Variants in PRPF39 observed in about 807,000 individuals in gnomAD.
PRPF39 encodes pre-mRNA-processing factor 39.
PRPF39 carries 27 observed loss-of-function variants against 82.1 expected under a neutral mutation model. That is an observed-to-expected ratio of 0.33 (90% CI 0.24 to 0.45). The LOEUF (loss-of-function observed/expected upper bound fraction) is 0.45, where lower values mean the gene tolerates loss of function less well. Ranked by LOEUF, PRPF39 falls within the 20% of genes least tolerant of loss-of-function variation. The pLI, the probability that PRPF39 is intolerant of heterozygous loss-of-function variation, is 1.00. For synonymous variants in PRPF39, 261 were observed against 256.4 expected, an observed-to-expected ratio of 1.02 and a Z score of -0.17; for missense variants, 581 against 796.9, an observed-to-expected ratio of 0.73 and a Z score of 3.26.
chr14:45,088,068 G>T (rs1883900842), intron 1 of PRPF39, among the ~76,000 whole-genome samples: 1 of 152,118 alleles, frequency 6.6e-6, no homozygotes, highest in Non-Finnish European at 1.5e-5. Flanking sequence ...GGTAGATATG[G>T]TCCTTACTCT....
intron 7 of PRPF39, among the ~76,000 whole-genome samples, 151 bp downstream of exon 7, chr14:45,108,673 T>C (rs556517069): frequency 5.1e-4 from 78 of 152,354 alleles, no homozygotes; most frequent in Admixed American, 2.2e-3. Context: ...TTGTAATCAT[T>C]ATCAGTTTTT....
chr14:45,092,186 A>T (rs1011760716), intron 1 of PRPF39, among the ~76,000 whole-genome samples: 1 of 152,196 alleles, frequency 6.6e-6, no homozygotes, highest in African/African-American at 2.4e-5. Context: ...GAGATTAACT[A>T]TATTGCTGCT....
Position 45,115,291 on chromosome 14 carries a change from CTT to C in PRPF39, c.*395_*396del, listed in dbSNP as rs369629100. On this transcript the variant is annotated 3_prime_UTR_variant, in exon 14 of 14. Coordinates refer to ENST00000355765, the MANE Select transcript of PRPF39 (RefSeq NM_017922.4). ...CACATAAGGGCTGGTTATTTACCTC[CTT>C]TTTTTTTTTTTTTTTTAAAGAAAAA... The C allele has an allele frequency of 0.011, 1,513 of 132,534 alleles. 29 individuals are homozygous for C. The highest frequency in any genetic ancestry group is 0.037 in the African/African-American group (1,371 of 36,608). 8.2% of individuals were successfully genotyped at this position (132,534 alleles called of 1,614,324 possible).
intron 4 of PRPF39, among the ~76,000 whole-genome samples, chr14:45,098,230 T>C (rs1884259808): frequency 6.6e-6 from 1 of 152,098 alleles, no homozygotes; most frequent in South Asian, 2.1e-4. Flanking sequence ...CAGTGAGCTG[T>C]GATTGCACCA....
intron 1 of PRPF39, among the ~76,000 whole-genome samples, chr14:45,089,134 TTGCCTG>T (rs1225194862): frequency 6.6e-6 from 1 of 152,242 alleles, no homozygotes; most frequent in Admixed American, 6.5e-5. Flanking sequence ...TTGCTTTTGT[TTGCCTG>T]TGCTTTTGGC....
rs966349112 is a variant in PRPF39 at position 45,109,554 on chromosome 14, T to C, written c.1012-62T>C. 5.0e-6 allele frequency: 7 copies of C among 1,389,710 alleles called. No individual in the cohort carries two copies. In the East Asian group the frequency reaches 1.5e-4, roughly 29 times the overall value. 86.1% of individuals were successfully genotyped at this position (1,389,710 alleles called of 1,614,324 possible). Reference sequence around the variant, plus strand: ...TTTAAAATTATTTGTATTAACACTGTACATGTGCATATTTTGGTGATATTG... The same window carrying C: ...TTTAAAATTATTTGTATTAACACTGCACATGTGCATATTTTGGTGATATTG... On this transcript the variant is annotated intron_variant, in intron 7 of 13. Coordinates refer to ENST00000355765, the MANE Select transcript of PRPF39 (RefSeq NM_017922.4).
chr14:45,111,105 G>C, intron 10 of PRPF39: 1 of 342,204 alleles, frequency 2.9e-6, no homozygotes, highest in Non-Finnish European at 5.4e-6. Flanking sequence ...TTACTAAGTA[G>C]AACAGAGGAC....
At chr14:45,095,600 TTAATC>T in intron 2 of PRPF39, 37 bp downstream of exon 2, 1 of 1,503,770 alleles carries the variant, frequency 6.6e-7, no homozygotes. Flanking sequence ...AAGGGACAAA[TTAATC>T]AAGTCATTAA....
chr14:45,114,489 T>C lies in PRPF39; in HGVS notation c.1833-5T>C, dbSNP rs1170892541. 6.4e-7 allele frequency: 1 copy of C among 1,568,208 alleles called. No individual in the cohort carries two copies. Among genetic ancestry groups the C allele is most frequent in the Non-Finnish European group, 8.6e-7 (1 of 1,165,174 alleles). On this transcript the variant is annotated splice_polypyrimidine_tract_variant and splice_region_variant and intron_variant, in intron 12 of 13. Transcript: ENST00000355765. The stretch of plus-strand genomic sequence containing the variant: ...TGAAAGTTTCCATTCTGACGTTTTA[T>C]ATAGATCAGAAGAACCAGAGGAAAA...
rs750583416 is a variant in PRPF39 at position 45,110,063 on chromosome 14, T to C, written c.1177-31T>C. On this transcript the variant is annotated intron_variant, in intron 8 of 13. Transcript: ENST00000355765. This position sits in a 1 kb window ranked among gnomAD's most constrained non-coding sequence, Gnocchi z 4.0. ...ATTTAATGGCTTGTTCAACTGTAAA[T>C]TATTCAGTATTTCCTCTTTTCTGTA... 1.9e-6 allele frequency: 3 copies of C among 1,608,344 alleles called. No homozygotes were observed. In the African/African-American group the frequency reaches 4.0e-5, roughly 22 times the overall value.
chr14:45,084,660 G>T (rs1006027576), intron 1 of PRPF39, among the ~76,000 whole-genome samples: 1 of 152,082 alleles, frequency 6.6e-6, no homozygotes, highest in African/African-American at 2.4e-5. Context: ...TATTACTAAG[G>T]CATGTGAGCG....
At position 45,110,912 on chromosome 14, in the gene PRPF39, A is replaced by G; in HGVS notation, c.1572+95A>G. ...AACTGTGATGAAAGATTTGGTCTGT[A>G]TGTAATAGATTTTATTACTAAATGA... On this transcript the variant is annotated intron_variant, in intron 10 of 13. Coordinates refer to ENST00000355765, the MANE Select transcript of PRPF39 (RefSeq NM_017922.4). This position sits in a 1 kb window ranked among gnomAD's most constrained non-coding sequence, Gnocchi z 4.0. 1 of 1,196,540 alleles carries G rather than the reference A, an allele frequency of 8.4e-7. No individual in the cohort carries two copies. Among genetic ancestry groups the G allele is most frequent in the Non-Finnish European group, 1.1e-6 (1 of 872,020 alleles). 74.1% of individuals were successfully genotyped at this position (1,196,540 alleles called of 1,614,324 possible). A position where few individuals can be genotyped will look rare whatever the true frequency, so the allele number is the denominator to read the frequency against.
At chr14:45,102,411 G>C in intron 4 of PRPF39, 118 bp from the exon 5 acceptor site, 2 of 798,732 alleles carry the variant, frequency 2.5e-6, no homozygotes, top group Non-Finnish European at 3.7e-6. Flanking sequence ...ATCCCTACTT[G>C]CATAGGAAGC....
At chr14:45,102,120 C>T (rs1380973538) in intron 4 of PRPF39, among the ~76,000 whole-genome samples, 1 of 152,228 alleles carries the variant, frequency 6.6e-6, no homozygotes, top group East Asian at 1.9e-4. Flanking sequence ...ACCATTTCAC[C>T]ATGCCTCATG....
chr14:45,095,859 A>T (rs1352189026), intron 2 of PRPF39: 4 of 448,226 alleles, frequency 8.9e-6, no homozygotes, highest in African/African-American at 8.3e-5. Flanking sequence ...AATTGCGTTT[A>T]GAAGAAAAAG....
rs952308745 is a variant in PRPF39 at position 45,116,111 on chromosome 14, T to C, written c.*1198T>C. 13 of 916,648 alleles carry C rather than the reference T, an allele frequency of 1.4e-5. No homozygotes were observed. The highest frequency in any genetic ancestry group is 1.3e-4 in the African/African-American group (8 of 60,932). The allele number at this position is 916,648 out of a possible 1,614,324, so 56.8% of individuals were successfully genotyped here. A position where few individuals can be genotyped will look rare whatever the true frequency, so the allele number is the denominator to read the frequency against. ...CCAGTTGACTCTTCCTTTACAATAG[T>C]AACAAGTTCTAACTAGTTGTGTAAA... is the stretch of plus-strand genomic sequence containing the variant. On this transcript the variant is annotated 3_prime_UTR_variant, in exon 14 of 14. Coordinates refer to ENST00000355765, the MANE Select transcript of PRPF39 (RefSeq NM_017922.4).
At chr14:45,095,896 T>TTTG (rs1884185395) in intron 2 of PRPF39, among the ~76,000 whole-genome samples, 2 of 151,256 alleles carry the variant, frequency 1.3e-5, no homozygotes, top group African/African-American at 4.8e-5. Context: ...TAGGTTTTTT[T>TTTG]TTTTTTTTTT....
At chr14:45,087,562 G>GT (rs140796830) in intron 1 of PRPF39, among the ~76,000 whole-genome samples, 6,260 of 146,434 alleles carry the variant, frequency 0.043, 212 homozygotes, top group South Asian at 0.12. Context: ...CCAGAAGACT[G>GT]TTTTTTTTTT....
chr14:45,112,563 G>T (rs1884726730), intron 11 of PRPF39, 61 bp downstream of exon 11: 1 of 1,367,306 alleles, frequency 7.3e-7, no homozygotes, highest in East Asian at 2.6e-5. Context: ...TTTTGTATGG[G>T]GATTTGATGA....
Sources: allele counts gnomAD v4.1 joint callset (sites outside exome capture counted in the v4.1 genomes callset), GRCh38; gene constraint gnomAD v4.1.1; non-coding constraint Gnocchi (gnomAD v3.1); transcripts MANE v1.5; gene names NCBI Gene and HGNC (gene_info 2026-07-23, HGNC 2026-07-21).